The following ZMYM4 variants were observed in gnomAD, a reference collection of about 807,000 sequenced individuals.
The protein encoded by ZMYM4 is zinc finger MYM-type protein 4.
In ZMYM4, 31 loss-of-function variants were observed where a neutral mutation model predicts 183.2. The ratio of observed to expected loss-of-function variants is 0.17; its 90% CI spans 0.13 to 0.23. The LOEUF (loss-of-function observed/expected upper bound fraction) is 0.23. ZMYM4 is among the 10% of genes least tolerant of loss of function. The probability of loss-of-function intolerance (pLI) is 1.00; values close to 1 mark genes in which losing one functional copy is unlikely to be tolerated. For synonymous variants in ZMYM4, 592 were observed against 631.2 expected, an observed-to-expected ratio of 0.94 and a Z score of 0.93; for missense variants, 1,273 against 1,840.3, an observed-to-expected ratio of 0.69 and a Z score of 5.64.
chr1:35,313,169 C>T (rs886485407), intron 1 of ZMYM4, among the ~76,000 whole-genome samples: 1 of 152,088 alleles, frequency 6.6e-6, no homozygotes, highest in Admixed American at 6.5e-5. Flanking sequence ...GCTGGGATTA[C>T]AGGCATGAGC....
At chr1:35,315,910 AG>A (rs2148796599) in intron 1 of ZMYM4, among the ~76,000 whole-genome samples, 1 of 152,250 alleles carries the variant, frequency 6.6e-6, no homozygotes, top group East Asian at 1.9e-4. Flanking sequence ...TGGGTGACAG[AG>A]TGAGTCCCTG....
At chr1:35,343,981 A>C (rs1001512330) in intron 2 of ZMYM4, among the ~76,000 whole-genome samples, 2 of 152,092 alleles carry the variant, frequency 1.3e-5, no homozygotes, top group East Asian at 3.8e-4. Flanking sequence ...AGTTACATTA[A>C]ATCTCTAGAT....
chr1:35,279,504 A>G (rs988857491), intron 1 of ZMYM4, among the ~76,000 whole-genome samples: 2 of 152,166 alleles, frequency 1.3e-5, no homozygotes, highest in African/African-American at 2.4e-5. Flanking sequence ...CCTGCTCTCT[A>G]GAACACACTT....
rs554904332 is a variant in ZMYM4 at position 35,403,408 on chromosome 1, T to C, written c.3529-1615T>C. 8.5e-5 allele frequency among the ~76,000 whole-genome samples: 13 copies of C among 152,114 alleles called. 2 individuals are homozygous for C. Among genetic ancestry groups the C allele is most frequent in the African/African-American group, 2.6e-4 (11 of 41,526 alleles). Reference sequence around the variant, plus strand: ...TCAAGCAGTTCTCCTGCCTCAGCCTTCCAAGTAGCTGGGATTACAGGTGCC... The same window carrying C: ...TCAAGCAGTTCTCCTGCCTCAGCCTCCCAAGTAGCTGGGATTACAGGTGCC... On this transcript the variant is annotated intron_variant, in intron 23 of 29. Coordinates refer to ENST00000314607, the MANE Select transcript of ZMYM4 (RefSeq NM_005095.3).
Position 35,282,099 on chromosome 1 carries a change from A to G in ZMYM4, c.39+13014A>G, listed in dbSNP as rs113065775. On this transcript the variant is annotated intron_variant, in intron 1 of 29. Transcript: ENST00000314607. ...TATTGTAAGTAATGTTGCTATAAAC[A>G]TTGGTATGTAAGTATTTGTTTGAGT... Among the ~76,000 whole-genome samples, 13 of 152,346 alleles carry G rather than the reference A, an allele frequency of 8.5e-5. 2 individuals are homozygous for G. The highest frequency in any genetic ancestry group is 2.6e-4 in the African/African-American group (11 of 41,582).
intron 1 of ZMYM4, among the ~76,000 whole-genome samples, chr1:35,315,144 C>T (rs7535344): frequency 0.99 from 150,126 of 150,886 alleles, 74,689 homozygotes; most frequent in East Asian, 1. Context: ...TGATACATTT[C>T]GACTATTTTA....
intron 1 of ZMYM4, among the ~76,000 whole-genome samples, chr1:35,269,954 C>T (rs1639515175): frequency 6.6e-6 from 1 of 152,104 alleles, no homozygotes; most frequent in Non-Finnish European, 1.5e-5. Flanking sequence ...AGGAGTCTTC[C>T]TTTTGGGAAT....
chr1:35,405,816 A>G (rs1644993219), intron 25 of ZMYM4, among the ~76,000 whole-genome samples: 2 of 150,764 alleles, frequency 1.3e-5, no homozygotes, highest in South Asian at 4.2e-4. Flanking sequence ...CTTCTAATGT[A>G]GGAATTTTTC....
rs1644568613 is a variant in ZMYM4 at position 35,386,058 on chromosome 1, A to C, written c.1721-16A>C. The C allele has an allele frequency of 5.7e-6, 9 of 1,576,670 alleles. No individual in the cohort carries two copies. Among genetic ancestry groups the C allele is most frequent in the Non-Finnish European group, 7.8e-6 (9 of 1,148,238 alleles). On this transcript the variant is annotated splice_polypyrimidine_tract_variant and intron_variant, in intron 10 of 29. Coordinates refer to ENST00000314607, the MANE Select transcript of ZMYM4 (RefSeq NM_005095.3). ...TTGTACATATTACTCATTGGTTTTT[A>C]TTTTGATTTGCTAAGGTGTACAAGT...
chr1:35,374,321 AC>A (rs748460564), intron 7 of ZMYM4, among the ~76,000 whole-genome samples: 11 of 152,102 alleles, frequency 7.2e-5, no homozygotes, highest in Non-Finnish European at 1.5e-4. Flanking sequence ...GGCATGAGCC[AC>A]CGTGCCCGGC....
intron 1 of ZMYM4, among the ~76,000 whole-genome samples, chr1:35,315,580 A>G (rs1044730348): frequency 2.8e-4 from 43 of 152,192 alleles, no homozygotes. Flanking sequence ...AACTTTACAT[A>G]AATTTTGAAA....
chr1:35,269,712 TACG>T (rs748356482), intron 1 of ZMYM4, among the ~76,000 whole-genome samples: 3 of 152,304 alleles, frequency 2.0e-5, no homozygotes, highest in East Asian at 1.9e-4. Context: ...CTTGGAAGAA[TACG>T]ACAAGTTTTC....
intron 1 of ZMYM4, among the ~76,000 whole-genome samples, chr1:35,302,225 T>G (rs1477317573): frequency 8.5e-5 from 5 of 59,030 alleles, no homozygotes; most frequent in Non-Finnish European, 2.3e-4. Context: ...TTTTTTTTTT[T>G]GTGACAGGGC....
chr1:35,421,577 A>G lies in ZMYM4; in HGVS notation c.*1900A>G, dbSNP rs576721574. On this transcript the variant is annotated 3_prime_UTR_variant, in exon 30 of 30. Coordinates refer to ENST00000314607, the MANE Select transcript of ZMYM4 (RefSeq NM_005095.3). Reference sequence around the variant, plus strand: ...TAGATAAATTGTTATGAAATACCAGAAAAAAAAATCTGTATCTTTTACTGA... The same window carrying G: ...TAGATAAATTGTTATGAAATACCAGGAAAAAAAATCTGTATCTTTTACTGA... 5.9e-5 allele frequency: 9 copies of G among 152,030 alleles called. No homozygotes were observed. Among genetic ancestry groups the G allele is most frequent in the African/African-American group, 1.9e-4 (8 of 41,470 alleles). 9.4% of individuals were successfully genotyped at this position (152,030 alleles called of 1,614,324 possible). A position where few individuals can be genotyped will look rare whatever the true frequency, so the allele number is the denominator to read the frequency against.
At chr1:35,356,400 G>A (rs1001089903) in intron 2 of ZMYM4, among the ~76,000 whole-genome samples, 3 of 152,120 alleles carry the variant, frequency 2.0e-5, no homozygotes, top group African/African-American at 4.8e-5. Context: ...ATGATGAAAC[G>A]TTGAGATGGC....
intron 2 of ZMYM4, among the ~76,000 whole-genome samples, chr1:35,356,228 CTAAA>C (rs997651844): frequency 6.6e-6 from 1 of 152,140 alleles, no homozygotes; most frequent in African/African-American, 2.4e-5. Flanking sequence ...AACCAACTAA[CTAAA>C]TAAATAAGTA....
intron 2 of ZMYM4, among the ~76,000 whole-genome samples, chr1:35,331,461 C>T (rs1358705179): frequency 2.0e-5 from 3 of 152,110 alleles, no homozygotes; most frequent in Admixed American, 6.6e-5. Flanking sequence ...TTGCCAGTAA[C>T]TTACAGCAAT....
chr1:35,299,815 GAC>G (rs1415239818), intron 1 of ZMYM4, among the ~76,000 whole-genome samples: 2 of 150,384 alleles, frequency 1.3e-5, no homozygotes, highest in East Asian at 3.9e-4. Context: ...TTTTTTATGA[GAC>G]AGAGTCTTGC....
intron 5 of ZMYM4, among the ~76,000 whole-genome samples, chr1:35,362,296 A>T (rs1404726063): frequency 1.3e-5 from 2 of 152,218 alleles, no homozygotes; most frequent in Non-Finnish European, 2.9e-5. Flanking sequence ...ATGATACATG[A>T]TTCCAAGTTT....
Sources: gnomAD v4.1 joint callset for allele counts (sites outside exome capture counted in the v4.1 genomes callset) on GRCh38, gnomAD v4.1.1 for gene constraint, MANE v1.5 for transcripts, NCBI Gene and HGNC (gene_info 2026-07-23, HGNC 2026-07-21) for gene names.